Variants in NLGN4X observed in about 807,000 individuals in gnomAD.
The protein encoded by NLGN4X is neuroligin-4, X-linked.
In NLGN4X, 3 loss-of-function variants were observed where a neutral mutation model predicts 40.3. The ratio of observed to expected loss-of-function variants is 0.07; its 90% CI spans 0.03 to 0.19. The LOEUF (loss-of-function observed/expected upper bound fraction) is 0.19. Among genes scored for constraint, NLGN4X ranks in the 10% least tolerant of loss-of-function variants. The probability of loss-of-function intolerance (pLI) is 1.00; values close to 1 mark genes in which losing one functional copy is unlikely to be tolerated. For synonymous variants in NLGN4X, 270 were observed against 306.8 expected, an observed-to-expected ratio of 0.88 and a Z score of 1.25; for missense variants, 382 against 708.3, an observed-to-expected ratio of 0.54 and a Z score of 5.23.
chrX:5,979,106 G>A (rs2035297788), intron 3 of NLGN4X, among the ~76,000 whole-genome samples: 1 of 111,082 alleles, frequency 9.0e-6, no homozygotes, highest in Non-Finnish European at 1.9e-5. Flanking sequence ...CCTCATCTCA[G>A]GCAAACAGTT....
intron 1 of NLGN4X, among the ~76,000 whole-genome samples, chrX:6,158,163 A>G (rs1208223533): frequency 8.9e-5 from 10 of 111,797 alleles, no homozygotes; most frequent in Non-Finnish European, 7.5e-5. Flanking sequence ...TCAAAGTCAT[A>G]TGTCCTCAAG....
At chrX:5,934,188 T>C (rs2033657254) in intron 3 of NLGN4X, among the ~76,000 whole-genome samples, 1 of 111,671 alleles carries the variant, frequency 9.0e-6, no homozygotes, top group South Asian at 3.7e-4. Flanking sequence ...TAACATAATG[T>C]CCTCCAGGTA....
intron 3 of NLGN4X, among the ~76,000 whole-genome samples, chrX:6,019,961 T>C (rs1351513773): frequency 1.8e-5 from 2 of 112,557 alleles, no homozygotes. Flanking sequence ...TTCTGTGATT[T>C]CTGTTTGAAT....
intron 3 of NLGN4X, among the ~76,000 whole-genome samples, chrX:6,019,989 T>C (rs1022085175): frequency 8.9e-6 from 1 of 112,447 alleles, no homozygotes; most frequent in African/African-American, 3.2e-5. Context: ...TTTCTAAATA[T>C]GGTTATGCAT....
chrX:6,071,636 G>T (rs943657067), intron 2 of NLGN4X, among the ~76,000 whole-genome samples: 1 of 111,358 alleles, frequency 9.0e-6, no homozygotes, highest in Non-Finnish European at 1.9e-5. Flanking sequence ...ATGTATCAAG[G>T]GCTCATCACT....
chrX:6,051,286 C>G (rs986592628), intron 2 of NLGN4X, among the ~76,000 whole-genome samples: 7 of 111,664 alleles, frequency 6.3e-5, no homozygotes, highest in African/African-American at 2.3e-4. Flanking sequence ...CAAGAGTTAA[C>G]TGACTAAGCC....
intron 5 of NLGN4X, among the ~76,000 whole-genome samples, chrX:5,894,837 C>T (rs887214170): frequency 8.9e-6 from 1 of 112,108 alleles, no homozygotes; most frequent in Non-Finnish European, 1.9e-5. Context: ...TGAGATTATG[C>T]ATGGCAAAAT....
intron 3 of NLGN4X, among the ~76,000 whole-genome samples, chrX:5,939,507 T>A: frequency 9.0e-6 from 1 of 111,489 alleles, no homozygotes; most frequent in Non-Finnish European, 1.9e-5. Flanking sequence ...TTGGCTGAAT[T>A]ACTATATTAT....
At chrX:6,150,963 G>A (rs1316448811) in intron 2 of NLGN4X, 32 bp downstream of exon 2, 11 of 1,112,127 alleles carry the variant, frequency 9.9e-6, no homozygotes, top group African/African-American at 5.4e-5. Context: ...CTGCACAAGA[G>A]GTATTGTTTT....
At chrX:5,959,600 T>C (rs985239002) in intron 3 of NLGN4X, among the ~76,000 whole-genome samples, 1 of 111,435 alleles carries the variant, frequency 9.0e-6, no homozygotes, top group Non-Finnish European at 1.9e-5. Context: ...GTTAAAACAA[T>C]TTTATCCTCC....
At chrX:5,969,125 T>G (rs754671175) in intron 3 of NLGN4X, among the ~76,000 whole-genome samples, 11 of 110,068 alleles carry the variant, frequency 1.0e-4, no homozygotes, top group African/African-American at 3.6e-4. Flanking sequence ...AAGGACTTCA[T>G]GTCTAAAACA....
chrX:5,923,267 A>G (rs1013586231), intron 3 of NLGN4X, among the ~76,000 whole-genome samples: 3 of 112,160 alleles, frequency 2.7e-5, no homozygotes, highest in African/African-American at 9.7e-5. Context: ...AGTGTCCCCA[A>G]GTAGCTGGGA....
At chrX:6,031,876 T>A (rs781457141) in intron 2 of NLGN4X, among the ~76,000 whole-genome samples, 6 of 109,832 alleles carry the variant, frequency 5.5e-5, no homozygotes, top group East Asian at 2.9e-4. Flanking sequence ...TACCATCTTT[T>A]AAAAAAAAAT....
At chrX:6,095,157 G>A (rs944852596) in intron 2 of NLGN4X, among the ~76,000 whole-genome samples, 1 of 104,653 alleles carries the variant, frequency 9.6e-6, no homozygotes, top group African/African-American at 3.5e-5. Context: ...GTGTAATTAT[G>A]GCAATGTTGC....
chrX:6,184,749 G>A (rs1047106146), intron 1 of NLGN4X, among the ~76,000 whole-genome samples: 1 of 112,434 alleles, frequency 8.9e-6, no homozygotes, highest in Non-Finnish European at 1.9e-5. Context: ...CAGAGCCCAA[G>A]ATAACTTCAT....
intron 2 of NLGN4X, among the ~76,000 whole-genome samples, chrX:6,043,291 A>G (rs1469024106): frequency 9.1e-6 from 1 of 110,477 alleles, no homozygotes; most frequent in African/African-American, 3.3e-5. Context: ...TGACTTTTTT[A>G]AATAAATAGT....
chrX:6,051,484 T>C (rs955397603), intron 2 of NLGN4X, among the ~76,000 whole-genome samples: 3 of 110,361 alleles, frequency 2.7e-5, no homozygotes, highest in African/African-American at 9.9e-5. Context: ...TCCAGAAACA[T>C]ATGGAGAGAA....
At chrX:6,155,196 G>T (rs1283774597) in intron 1 of NLGN4X, among the ~76,000 whole-genome samples, 1 of 111,245 alleles carries the variant, frequency 9.0e-6, no homozygotes, top group Non-Finnish European at 1.9e-5. Context: ...TTTACTTCCA[G>T]CCACGCTGAA....
chrX:6,176,324 T>A (rs1323256503), intron 1 of NLGN4X, among the ~76,000 whole-genome samples: 1 of 112,517 alleles, frequency 8.9e-6, no homozygotes, highest in Non-Finnish European at 1.9e-5. Context: ...CCAACAACCC[T>A]GAGTAAGTGA....
Sources: allele counts gnomAD v4.1 joint callset (sites outside exome capture counted in the v4.1 genomes callset), GRCh38; gene constraint gnomAD v4.1.1; transcripts MANE v1.5; gene names NCBI Gene and HGNC (gene_info 2026-07-23, HGNC 2026-07-21).